INPP5D: variants seen among roughly 807,000 people sequenced by gnomAD.
INPP5D encodes phosphatidylinositol 3,4,5-trisphosphate 5-phosphatase 1.
INPP5D carries 33 observed loss-of-function variants against 122.9 expected under a neutral mutation model. That is an observed-to-expected ratio of 0.27 (90% CI 0.20 to 0.36). The LOEUF is 0.36. INPP5D is among the 10% of genes least tolerant of loss of function. INPP5D has a pLI of 1.00. For synonymous variants in INPP5D, 584 were observed against 576.2 expected (o/e 1.01, Z -0.19); for missense variants, 1,053 against 1,412.7 (o/e 0.75, Z 4.08).
At chr2:233,149,978 A>G (rs1410057212) in intron 9 of INPP5D, among the ~76,000 whole-genome samples, 1 of 152,134 alleles carries the variant, frequency 6.6e-6, no homozygotes, top group Non-Finnish European at 1.5e-5. Context: ...GGGTGACATC[A>G]TAGCTGTCAT....
chr2:233,169,176 C>T, intron 13 of INPP5D, 129 bp from the exon 14 acceptor site: 4 of 1,395,024 alleles, frequency 2.9e-6, no homozygotes, highest in Non-Finnish European at 3.9e-6. Context: ...CCCTGCACGA[C>T]CCTGTTTCGC....
At chr2:233,146,790 T>TC (rs201687233) in intron 8 of INPP5D, among the ~76,000 whole-genome samples, 15,547 of 151,870 alleles carry the variant, frequency 0.1, 1,140 homozygotes, top group East Asian at 0.31. Flanking sequence ...AGAAAAAAAA[T>TC]CGTGCGATTC....
In INPP5D at chr2:233,188,664, C is replaced by T. The variant is rs887352033; in HGVS notation, c.2359-1186C>T. On this transcript the variant is annotated intron_variant, in intron 21 of 26. Coordinates refer to ENST00000445964, the MANE Select transcript of INPP5D (RefSeq NM_001017915.3). The surrounding 1 kb of genome is among the most constrained non-coding windows in gnomAD (Gnocchi z 4.7). ...GCAACCTCCGCCTCCAAGGTTCAAGCGATTTGCCTGTCTCAGCCTCCCGAG... is the reference window on the plus strand; with the variant it reads ...GCAACCTCCGCCTCCAAGGTTCAAGTGATTTGCCTGTCTCAGCCTCCCGAG... 2.2e-4 allele frequency among the ~76,000 whole-genome samples: 34 copies of T among 152,306 alleles called. 1 individual carries two copies. The highest frequency in any genetic ancestry group is 7.0e-4 in the African/African-American group (29 of 41,560).
chr2:233,146,093 C>A (rs989004021), intron 6 of INPP5D, 69 bp from the exon 7 acceptor site: 2 of 703,820 alleles, frequency 2.8e-6, no homozygotes, highest in Non-Finnish European at 5.2e-6. Context: ...CAGAGAGAAC[C>A]CAGAGCATTG....
intron 6 of INPP5D, among the ~76,000 whole-genome samples, chr2:233,143,547 C>G (rs1035376742): frequency 6.6e-6 from 1 of 152,236 alleles, no homozygotes; most frequent in African/African-American, 2.4e-5. Flanking sequence ...AACCAACAGG[C>G]AGCCATTCTG....
intron 8 of INPP5D, among the ~76,000 whole-genome samples, chr2:233,147,249 C>A (rs1015000206): frequency 6.6e-6 from 1 of 152,208 alleles, no homozygotes; most frequent in East Asian, 1.9e-4. Context: ...ACGGCTCCCC[C>A]ACACACAGTG....
chr2:233,167,045 C>A (rs7570320), intron 13 of INPP5D, among the ~76,000 whole-genome samples: 48,825 of 151,254 alleles, frequency 0.32, 9,986 homozygotes, highest in Non-Finnish European at 0.45. Flanking sequence ...CTAAGCAAGG[C>A]TGTGTGCTGA....
chr2:233,079,764 G>T (rs1015914622), intron 2 of INPP5D, among the ~76,000 whole-genome samples: 17 of 152,164 alleles, frequency 1.1e-4, no homozygotes, highest in African/African-American at 3.4e-4. Flanking sequence ...GGGAGAGAAG[G>T]GAGGTGAACT....
intron 2 of INPP5D, among the ~76,000 whole-genome samples, chr2:233,095,012 A>G (rs1692099202): frequency 6.6e-6 from 1 of 152,194 alleles, no homozygotes; most frequent in African/African-American, 2.4e-5. Flanking sequence ...GAAGAATCCT[A>G]ACAAACAACC....
At chr2:233,079,535 G>T (rs551570076) in intron 2 of INPP5D, 137 bp downstream of exon 2, 1 of 662,376 alleles carries the variant, frequency 1.5e-6, no homozygotes, top group African/African-American at 1.8e-5. Context: ...CTTCCTCCCA[G>T]GTGTCCATGG....
rs573009737 is a variant in INPP5D, at chr2:233,180,874, A to G, written c.2072-1536A>G. On this transcript the variant is annotated intron_variant, in intron 18 of 26. Transcript: ENST00000445964. The stretch of plus-strand genomic sequence containing the variant: ...TTTTTAGTAGAGACGGGGTTTTGCC[A>G]TGTTGGCCAGGCTGATCTCGAACTC... 1.5e-3 allele frequency among the ~76,000 whole-genome samples: 222 copies of G among 150,368 alleles called. 3 individuals carry two copies. The highest frequency in any genetic ancestry group is 4.3e-3 in the African/African-American group (173 of 40,572).
chr2:233,105,209 G>T lies in INPP5D; in HGVS notation c.199-16898G>T, dbSNP rs1692431944. On this transcript the variant is annotated intron_variant, in intron 2 of 26. Coordinates refer to ENST00000445964, the MANE Select transcript of INPP5D (RefSeq NM_001017915.3). The surrounding 1 kb of genome is among the most constrained non-coding windows in gnomAD (Gnocchi z 4.0). ...CCCCAGAAGTGGGGATGGGAGCAGG[G>T]GGGCGGTCAGTGGGTCCCAGGGAAC... 6.6e-6 allele frequency among the ~76,000 whole-genome samples: 1 copy of T among 152,210 alleles called. No individual in the cohort carries two copies. Among genetic ancestry groups the T allele is most frequent in the South Asian group, 2.1e-4 (1 of 4,836 alleles).
chr2:233,137,012 A>G (rs1463256065), intron 5 of INPP5D, among the ~76,000 whole-genome samples: 2 of 152,236 alleles, frequency 1.3e-5, no homozygotes, highest in African/African-American at 2.4e-5. Flanking sequence ...CAAGGAAAAA[A>G]TAGTGAGCAT....
At chr2:233,097,169 A>G (rs1368096806) in intron 2 of INPP5D, among the ~76,000 whole-genome samples, 2 of 152,120 alleles carry the variant, frequency 1.3e-5, no homozygotes, top group Non-Finnish European at 2.9e-5. Context: ...TCCTAATCTG[A>G]TTTGAAACGC....
chr2:233,162,265 C>T (rs566618952), intron 11 of INPP5D, among the ~76,000 whole-genome samples: 84 of 152,066 alleles, frequency 5.5e-4, no homozygotes, highest in Non-Finnish European at 1.0e-3. Flanking sequence ...GGTACGTAGA[C>T]AAAGGATGCC....
At chr2:233,117,491 C>G (rs1692835747) in intron 2 of INPP5D, among the ~76,000 whole-genome samples, 1 of 152,188 alleles carries the variant, frequency 6.6e-6, no homozygotes, top group South Asian at 2.1e-4. Flanking sequence ...ATCTACTGCC[C>G]TGCTCGCATC....
chr2:233,163,711 C>A lies in INPP5D; in HGVS notation c.1245C>A (p.Asn415Lys), dbSNP rs569340799. 3.1e-6 allele frequency: 5 copies of A among 1,613,628 alleles called. No individual in the cohort carries two copies. The highest frequency in any genetic ancestry group is 1.7e-5 in the Admixed American group (1 of 59,936). Residue 415 changes from asparagine to lysine, a missense_variant, in exon 12 of 27, where the codon AAC becomes AAA. Physicochemically the swap from Asn to Lys is moderately conservative, Grantham distance 94. This residue lies in a region of INPP5D where 105 missense variants were observed against 199.8 expected (regional missense o/e 0.53). Transcript: ENST00000445964. ...TIFIGTWNMGNAPPPKKITSW... is the reference protein window; with the variant it reads ...TIFIGTWNMGKAPPPKKITSW... The stretch of plus-strand genomic sequence containing the variant: ...TGTTGGGTTTTGCTGTTGAAGGTAA[C>A]GCCCCCCCTCCCAAGAAGATCACGT...
At chr2:233,101,070 C>T (rs772935502) in intron 2 of INPP5D, among the ~76,000 whole-genome samples, 4 of 151,898 alleles carry the variant, frequency 2.6e-5, no homozygotes, top group South Asian at 2.1e-4. Flanking sequence ...GAAGGGAAGG[C>T]GGGTGTATCA....
At chr2:233,145,881 C>A in intron 6 of INPP5D, 2 of 604,432 alleles carry the variant, frequency 3.3e-6, no homozygotes, top group South Asian at 3.0e-5. Flanking sequence ...AAGGACAGTC[C>A]TCGAGTTTTG....
Sources: gnomAD v4.1 joint callset for allele counts (sites outside exome capture counted in the v4.1 genomes callset) on GRCh38, gnomAD v4.1.1 for gene constraint, gnomAD v4.1.1 regional missense constraint, Gnocchi (gnomAD v3.1) non-coding constraint, MANE v1.5 for transcripts, NCBI Gene and HGNC (gene_info 2026-07-23, HGNC 2026-07-21) for gene names.